Variants in C1orf146 observed in about 807,000 individuals in gnomAD.
C1orf146 encodes protein SPO16 homolog.
In C1orf146, 22 loss-of-function variants were observed where a neutral mutation model predicts 23.0. The ratio of observed to expected loss-of-function variants is 0.96; its 90% CI spans 0.68 to 1.36. C1orf146 has a LOEUF of 1.36. C1orf146 is among the 40% of genes most tolerant of loss of function. The probability of loss-of-function intolerance (pLI) is 0.00; values close to 1 mark genes in which losing one functional copy is unlikely to be tolerated. For missense variants in C1orf146, 199 were observed against 206.8 expected (o/e 0.96, Z 0.23); for synonymous variants, 59 against 65.3 (o/e 0.90, Z 0.47).
intron 1 of C1orf146, among the ~76,000 whole-genome samples, chr1:92,218,456 A>C (rs1300045278): frequency 1.3e-5 from 2 of 151,958 alleles, no homozygotes; most frequent in African/African-American, 4.8e-5. Flanking sequence ...AACACTCCAG[A>C]GCTTGGAAAA....
At chr1:92,218,572 TTTATG>T (rs1480748559) in intron 1 of C1orf146, among the ~76,000 whole-genome samples, 4 of 152,076 alleles carry the variant, frequency 2.6e-5, no homozygotes, top group East Asian at 3.9e-4. Flanking sequence ...TAATTTAACT[TTTATG>T]TTAGGTTCAG....
intron 2 of C1orf146, among the ~76,000 whole-genome samples, chr1:92,238,483 C>T (rs1025402201): frequency 6.6e-6 from 1 of 152,152 alleles, no homozygotes; most frequent in African/African-American, 2.4e-5. Context: ...CTTTTAATAT[C>T]TCATAGGACT....
chr1:92,222,396 CAT>C (rs10544431), intron 1 of C1orf146, among the ~76,000 whole-genome samples: 74,458 of 151,592 alleles, frequency 0.49, 19,251 homozygotes, highest in East Asian at 0.96. Context: ...GCATGTATAA[CAT>C]ATGTATGCTG....
chr1:92,244,843 T>C lies in C1orf146; in HGVS notation c.394T>C (p.Cys132Arg). ...HNTVNAINLM[C>R]TIAKTTSKPY... ...CACAGTAAATGCTATTAATCTTATG[T>C]GCACTATAGCAAAGGTGAGTCACCC... Residue 132 changes from cysteine to arginine, a missense_variant, in exon 5 of 6, where the codon TGC becomes CGC. Physicochemically the swap from Cys to Arg is radical, Grantham distance 180 (BLOSUM62 -3). Coordinates refer to ENST00000370375, the MANE Select transcript of C1orf146 (RefSeq NM_001012425.2). 6.2e-7 allele frequency: 1 copy of C among 1,600,154 alleles called. No homozygotes were observed. Among genetic ancestry groups the C allele is most frequent in the Non-Finnish European group, 8.6e-7 (1 of 1,168,466 alleles).
At chr1:92,222,361 C>T (rs1239355258) in intron 1 of C1orf146, among the ~76,000 whole-genome samples, 1 of 150,230 alleles carries the variant, frequency 6.7e-6, no homozygotes, top group Non-Finnish European at 1.5e-5. Context: ...ATGTAACATG[C>T]ATGTATATAT....
At chr1:92,243,632 A>C (rs976226835) in intron 3 of C1orf146, among the ~76,000 whole-genome samples, 1 of 152,198 alleles carries the variant, frequency 6.6e-6, no homozygotes, top group African/African-American at 2.4e-5. Context: ...GGTGTGAGCC[A>C]CTGCACCCAG....
chr1:92,232,233 A>G lies in C1orf146; in HGVS notation c.66+747A>G, dbSNP rs74468357. On this transcript the variant is annotated intron_variant, in intron 2 of 5. Coordinates refer to ENST00000370375, the MANE Select transcript of C1orf146 (RefSeq NM_001012425.2). ...ACTAACTCGTCATCTAGCATTAGGT[A>G]TATCTCCCAATGCTATCCGTCCTCC... 5.9e-5 allele frequency among the ~76,000 whole-genome samples: 9 copies of G among 151,622 alleles called. No individual in the cohort carries two copies. In the South Asian group the frequency reaches 1.7e-3, roughly 28 times the overall value.
At chr1:92,224,992 C>T (rs190249288) in intron 1 of C1orf146, among the ~76,000 whole-genome samples, 7 of 152,288 alleles carry the variant, frequency 4.6e-5, no homozygotes, top group Admixed American at 2.0e-4. Context: ...TTGCCCACCT[C>T]GGCCTCCCAA....
At chr1:92,234,964 T>A (rs1395767269) in intron 2 of C1orf146, among the ~76,000 whole-genome samples, 2 of 152,360 alleles carry the variant, frequency 1.3e-5, no homozygotes, top group Admixed American at 6.5e-5. Flanking sequence ...GATATCCCCT[T>A]TATCATTTTT....
chr1:92,239,750 CAAAA>C, intron 2 of C1orf146, among the ~76,000 whole-genome samples: 1 of 129,744 alleles, frequency 7.7e-6, no homozygotes, highest in East Asian at 2.2e-4. Context: ...GACCCTGTCT[CAAAA>C]AAAAAAAAAG....
intron 3 of C1orf146, among the ~76,000 whole-genome samples, chr1:92,243,566 C>T (rs528433834): frequency 2.0e-5 from 3 of 152,206 alleles, no homozygotes; most frequent in East Asian, 1.9e-4. Flanking sequence ...AGGCTGGTCT[C>T]GAACTCCTGA....
At chr1:92,237,319 C>G (rs1049410723) in intron 2 of C1orf146, among the ~76,000 whole-genome samples, 8 of 152,146 alleles carry the variant, frequency 5.3e-5, no homozygotes, top group Non-Finnish European at 1.0e-4. Context: ...AGTTTTCCTT[C>G]TAACAGACAG....
intron 1 of C1orf146, among the ~76,000 whole-genome samples, chr1:92,218,363 G>T (rs770931581): frequency 3.9e-4 from 59 of 152,072 alleles, no homozygotes; most frequent in Admixed American, 1.8e-3. Flanking sequence ...TTGTAGGCCG[G>T]CGCCTCACTG....
Position 92,244,828 on chromosome 1 carries a change from G to A in C1orf146, c.379G>A (p.Ala127Thr), listed in dbSNP as rs1395931759. 10 of 1,607,988 alleles carry A rather than the reference G, an allele frequency of 6.2e-6. 1 individual carries two copies. The East Asian group carries it at 1.6e-4, about 25-fold the overall frequency. ...ACTTCCAGTACACAACACAGTAAATGCTATTAATCTTATGTGCACTATAGC... is the reference window on the plus strand; with the variant it reads ...ACTTCCAGTACACAACACAGTAAATACTATTAATCTTATGTGCACTATAGC... ...RILPVHNTVN[A>T]INLMCTIAKT... The change falls in exon 5 of 6, where the codon GCT becomes ACT. Residue 127 changes from alanine (A) to threonine (T), a missense_variant. By Grantham distance (58) the Ala-to-Thr change is moderately conservative. Transcript: ENST00000370375.
At position 92,244,357 on chromosome 1, in the gene C1orf146, T is replaced by C. The variant is rs140165531; in HGVS notation, c.301T>C (p.Trp101Arg). Residue 101 changes from tryptophan (W) to arginine (R), a missense_variant, in exon 4 of 6, where the codon TGG becomes CGG. Physicochemically the swap from Trp to Arg is moderately radical, Grantham distance 101. Coordinates refer to ENST00000370375, the MANE Select transcript of C1orf146 (RefSeq NM_001012425.2). ...LSAALHGPEE[W>R]KLMFRIQQRF... ...TGCTGCCCTCCATGGGCCTGAAGAA[T>C]GGAAACTGATGTTCAGGATTCAGCA... is the stretch of plus-strand genomic sequence containing the variant. The C allele has an allele frequency of 2.5e-6, 4 of 1,608,544 alleles. No individual in the cohort carries two copies. The highest frequency in any genetic ancestry group is 3.4e-6 in the Non-Finnish European group (4 of 1,178,624).
chr1:92,232,416 A>G lies in C1orf146; in HGVS notation c.66+930A>G, dbSNP rs560034057. 2.6e-5 allele frequency among the ~76,000 whole-genome samples: 4 copies of G among 152,178 alleles called. No individual in the cohort carries two copies. In the East Asian group the frequency reaches 7.8e-4, roughly 29 times the overall value. On this transcript the variant is annotated intron_variant, in intron 2 of 5. Transcript: ENST00000370375. ...AGAATGATGGTTTCCACCTTCATCC[A>G]TGTCCCTACAAAGGACATGAACTCA...
At chr1:92,231,239 C>G (rs1004888658) in intron 1 of C1orf146, 143 bp from the exon 2 acceptor site, 7 of 532,254 alleles carry the variant, frequency 1.3e-5, no homozygotes, top group Non-Finnish European at 2.3e-5. Flanking sequence ...AAATGTATAA[C>G]AAGACAGATA....
intron 1 of C1orf146, among the ~76,000 whole-genome samples, chr1:92,222,127 G>C (rs1412614191): frequency 1.3e-5 from 2 of 152,110 alleles, no homozygotes; most frequent in East Asian, 3.9e-4. Context: ...TGTGGTCCCA[G>C]CTACTTGGGA....
chr1:92,235,595 G>T (rs977372322), intron 2 of C1orf146, among the ~76,000 whole-genome samples: 1 of 152,222 alleles, frequency 6.6e-6, no homozygotes, highest in Admixed American at 6.5e-5. Context: ...TGTTGATTTG[G>T]GGTGGAGAGT....
Sources: gnomAD v4.1 joint callset for allele counts (sites outside exome capture counted in the v4.1 genomes callset) on GRCh38, gnomAD v4.1.1 for gene constraint, MANE v1.5 for transcripts, NCBI Gene and HGNC (gene_info 2026-07-23, HGNC 2026-07-21) for gene names.